The following LILRB4 variants were observed in gnomAD, a reference collection of about 807,000 sequenced individuals.
The protein encoded by LILRB4 is leukocyte immunoglobulin like receptor B4.
In LILRB4, 49 loss-of-function variants were observed where a neutral mutation model predicts 55.2. The observed-to-expected ratio is 0.89, with a 90% CI of 0.71 to 1.13. The LOEUF is 1.13. LILRB4 is among the 50% of genes most tolerant of loss of function. The probability of loss-of-function intolerance (pLI) is 0.00; values close to 1 mark genes in which losing one functional copy is unlikely to be tolerated. For missense variants in LILRB4, 590 were observed against 555.2 expected (o/e 1.06, Z -0.63); for synonymous variants, 229 against 213.8 (o/e 1.07, Z -0.62).
chr19:54,667,987 C>T, exon 12 of LILRB4: 3 of 1,614,146 alleles, frequency 1.9e-6, no homozygotes, highest in Non-Finnish European at 2.5e-6. Flanking sequence ...TCCAGCTGAG[C>T]CCAGTGTCTA....
At chr19:54,667,958 C>T in exon 12 of LILRB4, 1 of 1,614,090 alleles carries the variant, frequency 6.2e-7, no homozygotes, top group Non-Finnish European at 8.5e-7. Context: ...GAGCCTCCTC[C>T]ATCCCAGGAA....
At chr19:54,663,177 T>C in intron 1 of LILRB4, 110 bp downstream of exon 1, 1 of 1,282,158 alleles carries the variant, frequency 7.8e-7, no homozygotes, top group Non-Finnish European at 1.1e-6. Context: ...CCGGGCGCGG[T>C]GGCTCACGCC....
exon 12 of LILRB4, chr19:54,668,159 G>A (rs763657325): frequency 7.2e-5 from 65 of 906,168 alleles, no homozygotes; most frequent in Non-Finnish European, 9.6e-5. Context: ...GGAACGTTGG[G>A]AGTCACCTGA....
At position 54,664,171 on chromosome 19, in the gene LILRB4, C is replaced by T; in HGVS notation, c.356-15C>T. 6.2e-7 allele frequency: 1 copy of T among 1,606,076 alleles called. No individual in the cohort carries two copies. The highest frequency in any genetic ancestry group is 1.3e-5 in the African/African-American group (1 of 74,820). On this transcript the variant is annotated splice_polypyrimidine_tract_variant and intron_variant, in intron 3 of 11. Transcript: ENST00000430952. ...GTGGGAGCCCCATTTAACACGGTGC[C>T]TCCTTCTCTCCTAGGAGCCTACAGT...
At chr19:54,663,864 G>A (rs781321995) in exon 3 of LILRB4, 2 of 1,614,032 alleles carry the variant, frequency 1.2e-6, no homozygotes, top group Admixed American at 3.3e-5. Context: ...GTACCGTCTG[G>A]ATAAAGAGGA....
intron 4 of LILRB4, 22 bp from the exon 5 acceptor site, chr19:54,664,777 C>T (rs1172423310): frequency 1.3e-6 from 2 of 1,548,072 alleles, no homozygotes; most frequent in Non-Finnish European, 1.7e-6. Flanking sequence ...GACTCTCACC[C>T]TCCTCTTGTC....
chr19:54,668,161 G>A, exon 12 of LILRB4: 1 of 891,696 alleles, frequency 1.1e-6, no homozygotes, highest in Non-Finnish European at 1.7e-6. Flanking sequence ...AACGTTGGGA[G>A]TCACCTGATT....
chr19:54,667,864 C>T lies in LILRB4; in HGVS notation c.1198-9C>T. ...CACGTTCCTTCCCTCTCACTCTCCC[C>T]CGCTGCAGGCTGCTGCATCTGAAGC... On this transcript the variant is annotated splice_polypyrimidine_tract_variant and intron_variant, in intron 11 of 11. Coordinates refer to ENST00000430952, the Ensembl canonical transcript of LILRB4. The T allele has an allele frequency of 9.9e-6, 16 of 1,612,338 alleles. No individual in the cohort carries two copies. Among genetic ancestry groups the T allele is most frequent in the Non-Finnish European group, 1.4e-5 (16 of 1,179,508 alleles).
chr19:54,664,046 GA>G lies in LILRB4; in HGVS notation c.355+9del. ...TGGAGCTGGTGATGACAGGTGAGAG[GA>G]CACTCAGGGGTCCCAGCCCCAGGCT... On this transcript the variant is annotated intron_variant, in intron 3 of 11. Transcript: ENST00000430952. The G allele has an allele frequency of 1.2e-6, 2 of 1,607,816 alleles. No individual in the cohort carries two copies. Among genetic ancestry groups the G allele is most frequent in the South Asian group, 2.2e-5 (2 of 90,402 alleles).
At position 54,663,067 on chromosome 19, in the gene LILRB4, G is replaced by A. The variant is rs147307497; in HGVS notation, c.34G>A (p.Gly12Arg). The A allele has an allele frequency of 1.8e-5, 29 of 1,612,754 alleles. 1 individual carries two copies. Among genetic ancestry groups the A allele is most frequent in the African/African-American group, 1.7e-4 (13 of 74,930 alleles). The change falls in exon 1 of 12, where the codon GGG becomes AGG. Residue 12 changes from glycine (G) to arginine (R), a missense_variant and splice_region_variant. By Grantham distance (125) the Gly-to-Arg change is moderately radical. Coordinates refer to ENST00000430952, the Ensembl canonical transcript of LILRB4. ...CACCTTCACGGCTCTGCTCTGCCTC[G>A]GTGAGATTTAAAGAGGGGGAGGGGA...
In LILRB4 at chr19:54,664,248, G is replaced by T. The variant is rs375368916; in HGVS notation, c.418G>T (p.Val140Leu). The stretch of plus-strand genomic sequence containing the variant: ...TCCTCTTGTGACCTCAGGAAAGAGC[G>T]TGACCCTGCTGTGTCAGTCACGGAG... Residue 140 changes from valine (V) to leucine (L), a missense_variant, in exon 4 of 12, where the codon GTG becomes TTG. By Grantham distance (32) the Val-to-Leu change is conservative (BLOSUM62 1). Coordinates refer to ENST00000430952, the Ensembl canonical transcript of LILRB4. 5 of 1,614,008 alleles carry T rather than the reference G, an allele frequency of 3.1e-6. No individual in the cohort carries two copies. The Admixed American group carries it at 6.7e-5, about 22-fold the overall frequency.
chr19:54,668,157 G>A, exon 12 of LILRB4: 1 of 933,572 alleles, frequency 1.1e-6, no homozygotes, highest in Non-Finnish European at 1.6e-6. Context: ...CGGGAACGTT[G>A]GGAGTCACCT....
intron 2 of LILRB4, 28 bp downstream of exon 2, chr19:54,663,595 C>A: frequency 6.2e-7 from 1 of 1,613,084 alleles, no homozygotes; most frequent in Non-Finnish European, 8.5e-7. Context: ...TGTCCCAGGT[C>A]CCTCCTCCTC....
rs61542200 is a variant in LILRB4, at chr19:54,663,443, CAAAA to C, written c.35-71_35-68del. The stretch of plus-strand genomic sequence containing the variant: ...CCTGGGTGACAGCGAGACTCCGTCT[CAAAA>C]AAAAAAAAAAAAAAAAATCTCAGGG... On this transcript the variant is annotated intron_variant, in intron 1 of 11. Coordinates refer to ENST00000430952, the Ensembl canonical transcript of LILRB4. 729 of 952,738 alleles carry C rather than the reference CAAAA, an allele frequency of 7.7e-4. 3 individuals are homozygous for C. The highest frequency in any genetic ancestry group is 1.1e-3 in the Admixed American group (33 of 29,590). The allele number at this position is 952,738 out of a possible 1,614,324, so 59.0% of individuals were successfully genotyped here. A position where few individuals can be genotyped will look rare whatever the true frequency, so the allele number is the denominator to read the frequency against.
intron 2 of LILRB4, 91 bp downstream of exon 2, chr19:54,663,658 G>A: frequency 6.2e-7 from 1 of 1,610,544 alleles, no homozygotes; most frequent in Non-Finnish European, 8.5e-7. Flanking sequence ...AGCAGTTCTG[G>A]GTGACTGATG....
chr19:54,665,878 T>G lies in LILRB4; in HGVS notation c.821T>G (p.Leu274Arg), dbSNP rs1203922072. The change falls in exon 7 of 12, where the codon CTC becomes CGC. Residue 274 changes from leucine (L) to arginine (R), a missense_variant. Coordinates refer to ENST00000430952, the Ensembl canonical transcript of LILRB4. This position sits in a 1 kb window ranked among gnomAD's most constrained non-coding sequence, Gnocchi z 5.5. ...GTGGTCTCCATCCTGCTTCTCTCCC[T>G]CCTCCTCTTCCTCCTCCTCCAACAC... 1.2e-6 allele frequency: 2 copies of G among 1,613,028 alleles called. No individual in the cohort carries two copies. The highest frequency in any genetic ancestry group is 2.2e-5 in the South Asian group (2 of 90,972).
intron 1 of LILRB4, among the ~76,000 whole-genome samples, 196 bp downstream of exon 1, chr19:54,663,263 G>A (rs866871559): frequency 5.9e-5 from 9 of 151,892 alleles, no homozygotes; most frequent in African/African-American, 1.7e-4. Context: ...TGGCTAACAC[G>A]GTGAAACCCT....
Position 54,665,780 on chromosome 19 carries a change from ACAT to A in LILRB4, c.758-30_758-28del. ...CACACAGTAGGTGTGCACATCAATGACATCATCCCCATTCCTGATGTCATCACG... is the reference window on the plus strand; with the variant it reads ...CACACAGTAGGTGTGCACATCAATGACATCCCCATTCCTGATGTCATCACG... On this transcript the variant is annotated intron_variant, in intron 6 of 11. Coordinates refer to ENST00000430952, the Ensembl canonical transcript of LILRB4. The surrounding 1 kb of genome is among the most constrained non-coding windows in gnomAD (Gnocchi z 5.5). 6.4e-7 allele frequency: 1 copy of A among 1,570,286 alleles called. No individual in the cohort carries two copies. The highest frequency in any genetic ancestry group is 8.6e-7 in the Non-Finnish European group (1 of 1,157,650).
Position 54,665,734 on chromosome 19 carries a change from C to G in LILRB4, c.758-81C>G, listed in dbSNP as rs184880195. ...GGGTTGGAGGTAATGAAAGAAAGAC[C>G]CAGCACACACAGTAGGTGCACACAC... On this transcript the variant is annotated intron_variant, in intron 6 of 11. Coordinates refer to ENST00000430952, the Ensembl canonical transcript of LILRB4. The surrounding 1 kb of genome is among the most constrained non-coding windows in gnomAD (Gnocchi z 5.5). 6.7e-7 allele frequency: 1 copy of G among 1,487,852 alleles called. No homozygotes were observed. Among genetic ancestry groups the G allele is most frequent in the African/African-American group, 1.4e-5 (1 of 71,680 alleles). The allele number at this position is 1,487,852 out of a possible 1,614,324, so 92.2% of individuals were successfully genotyped here.
Sources: gnomAD v4.1 joint callset for allele counts (sites outside exome capture counted in the v4.1 genomes callset) on GRCh38, gnomAD v4.1.1 for gene constraint, Gnocchi (gnomAD v3.1) non-coding constraint, MANE v1.5 for transcripts, NCBI Gene and HGNC (gene_info 2026-07-23, HGNC 2026-07-21) for gene names.